Variants in SLC6A6 observed in about 807,000 individuals in gnomAD.
SLC6A6 encodes the protein sodium- and chloride-dependent taurine transporter.
A neutral mutation model predicts 68.8 loss-of-function variants in SLC6A6; 16 were observed. That is an observed-to-expected ratio of 0.23 (90% CI 0.16 to 0.35). The LOEUF (loss-of-function observed/expected upper bound fraction) is 0.35. SLC6A6 is among the 10% of genes least tolerant of loss of function. The pLI is 1.00. For synonymous variants in SLC6A6, 312 were observed against 315.4 expected (o/e 0.99, Z 0.12); for missense variants, 474 against 802.8 (o/e 0.59, Z 4.95).
chr3:14,435,066 C>T (rs1434044482), intron 2 of SLC6A6, among the ~76,000 whole-genome samples: 1 of 152,266 alleles, frequency 6.6e-6, no homozygotes, highest in Non-Finnish European at 1.5e-5. Flanking sequence ...CTGTCATCCA[C>T]TCTTCCCCAG....
At chr3:14,466,870 A>C (rs537725347) in intron 7 of SLC6A6, among the ~76,000 whole-genome samples, 1 of 152,084 alleles carries the variant, frequency 6.6e-6, no homozygotes, top group South Asian at 2.1e-4. Flanking sequence ...ATCTCTTTTC[A>C]TGTCAAGGAC....
Position 14,481,918 on chromosome 3 carries a change from T to A in SLC6A6, c.1722+77T>A. On this transcript the variant is annotated intron_variant, in intron 14 of 14. Transcript: ENST00000622186. The surrounding 1 kb of genome is among the most constrained non-coding windows in gnomAD (Gnocchi z 4.7). ...TGATTGTTGTCAGTTTGCTGCGTGATCTCAGGCAAGTCACCTGCCCTCTCT... is the reference window on the plus strand; with the variant it reads ...TGATTGTTGTCAGTTTGCTGCGTGAACTCAGGCAAGTCACCTGCCCTCTCT... 2.3e-6 allele frequency: 3 copies of A among 1,302,388 alleles called. No individual in the cohort carries two copies. Among genetic ancestry groups the A allele is most frequent in the East Asian group, 2.4e-5 (1 of 41,954 alleles). The allele number at this position is 1,302,388 out of a possible 1,614,324, so 80.7% of individuals were successfully genotyped here. A position where few individuals can be genotyped will look rare whatever the true frequency, so the allele number is the denominator to read the frequency against.
At chr3:14,431,119 C>T (rs555631024) in intron 2 of SLC6A6, among the ~76,000 whole-genome samples, 5 of 152,318 alleles carry the variant, frequency 3.3e-5, no homozygotes, top group South Asian at 4.1e-4. Flanking sequence ...TCCTAAAGAT[C>T]TGGTGTTCAT....
At chr3:14,458,126 G>A (rs1482269460) in intron 6 of SLC6A6, 44 bp downstream of exon 6, 12 of 1,590,044 alleles carry the variant, frequency 7.5e-6, no homozygotes, top group Non-Finnish European at 1.0e-5. Flanking sequence ...GGAGAGCTGT[G>A]CCAGGCTGGC....
chr3:14,457,140 G>C lies in SLC6A6; in HGVS notation c.600-810G>C, dbSNP rs3773178. Among the ~76,000 whole-genome samples, 643 of 152,312 alleles carry C rather than the reference G, an allele frequency of 4.2e-3. 12 individuals are homozygous for C. In the East Asian group the frequency reaches 0.067, roughly 16 times the overall value. On this transcript the variant is annotated intron_variant, in intron 5 of 14. Coordinates refer to ENST00000622186, the MANE Select transcript of SLC6A6 (RefSeq NM_003043.6). Reference sequence around the variant, plus strand: ...TTGTTTAGCAGGGCAGCAGGAATCAGCTCGGATTGGTGGGAGGCTTAAGTC... The same window carrying C: ...TTGTTTAGCAGGGCAGCAGGAATCACCTCGGATTGGTGGGAGGCTTAAGTC...
chr3:14,466,783 G>A (rs11718517), intron 7 of SLC6A6, 133 bp downstream of exon 7: 32 of 769,902 alleles, frequency 4.2e-5, no homozygotes, highest in East Asian at 8.5e-5. Flanking sequence ...CTGGGCCACC[G>A]CCCCCTGGTA....
In SLC6A6 at chr3:14,447,741, C is replaced by T. The variant is rs1700160362; in HGVS notation, c.524C>T (p.Thr175Ile). 8 of 1,614,236 alleles carry T rather than the reference C, an allele frequency of 5.0e-6. No homozygotes were observed. In the African/African-American group the frequency reaches 5.3e-5, roughly 11 times the overall value. ...SWNTPHCMED[T>I]MRKNKSVWIT... is the part of the protein sequence containing the mutation. ...AACACACCTCACTGCATGGAGGACA[C>T]CATGCGCAAGAACAAGAGTGTCTGG... is the stretch of plus-strand genomic sequence containing the variant. Residue 175 changes from threonine to isoleucine, a missense_variant, in exon 5 of 15, where the codon ACC (threonine) becomes ATC (isoleucine). This residue lies in a region of SLC6A6 where 280 missense variants were observed against 533.1 expected (regional missense o/e 0.53). Transcript: ENST00000622186.
At chr3:14,426,240 C>T (rs1699594390) in intron 2 of SLC6A6, among the ~76,000 whole-genome samples, 1 of 152,218 alleles carries the variant, frequency 6.6e-6, no homozygotes, top group South Asian at 2.1e-4. Flanking sequence ...GATCCAGACT[C>T]CAGTCCACCA....
At chr3:14,404,831 C>T (rs915257804) in intron 1 of SLC6A6, among the ~76,000 whole-genome samples, 1 of 152,230 alleles carries the variant, frequency 6.6e-6, no homozygotes, top group Non-Finnish European at 1.5e-5. Context: ...TGGCAAGGGC[C>T]AAGGTGCATT....
chr3:14,405,180 G>A (rs889973146), intron 1 of SLC6A6, among the ~76,000 whole-genome samples: 1 of 152,154 alleles, frequency 6.6e-6, no homozygotes, highest in Non-Finnish European at 1.5e-5. Context: ...CCAGTCCTTA[G>A]GGCAGGAAAG....
chr3:14,465,224 G>C (rs1283199484), intron 6 of SLC6A6, among the ~76,000 whole-genome samples: 2 of 152,230 alleles, frequency 1.3e-5, no homozygotes, highest in Admixed American at 1.3e-4. Flanking sequence ...CCATCCATGA[G>C]AACTGAAGCC....
intron 2 of SLC6A6, among the ~76,000 whole-genome samples, chr3:14,423,371 A>G (rs571064420): frequency 3.3e-5 from 5 of 152,158 alleles, no homozygotes; most frequent in Non-Finnish European, 7.4e-5. Context: ...TCATTCACTT[A>G]GTAAATATTG....
intron 1 of SLC6A6, among the ~76,000 whole-genome samples, chr3:14,414,863 G>A (rs1436194144): frequency 1.3e-5 from 2 of 152,176 alleles, no homozygotes; most frequent in East Asian, 3.9e-4. Flanking sequence ...AGATGGGCTG[G>A]CCTCTTGTAA....
chr3:14,462,638 G>T (rs1448667002), intron 6 of SLC6A6, among the ~76,000 whole-genome samples: 1 of 152,150 alleles, frequency 6.6e-6, no homozygotes, highest in Admixed American at 6.5e-5. Flanking sequence ...AGTTGAGACT[G>T]CAGTGAGCTT....
At chr3:14,454,730 A>G (rs759881445) in intron 5 of SLC6A6, among the ~76,000 whole-genome samples, 1 of 152,216 alleles carries the variant, frequency 6.6e-6, no homozygotes, top group East Asian at 1.9e-4. Context: ...AAACATTGAA[A>G]TAGTGCAAAA....
chr3:14,445,160 C>T (rs954420246), intron 3 of SLC6A6, among the ~76,000 whole-genome samples: 37 of 152,232 alleles, frequency 2.4e-4, no homozygotes, highest in Non-Finnish European at 3.2e-4. Flanking sequence ...CGGTGGCTCA[C>T]GCCTGTAATC....
At chr3:14,441,703 C>A (rs1480722444) in intron 2 of SLC6A6, among the ~76,000 whole-genome samples, 2 of 152,236 alleles carry the variant, frequency 1.3e-5, no homozygotes, top group African/African-American at 2.4e-5. Context: ...CCTCTCCACA[C>A]CCCAAGTCCT....
At position 14,489,015 on chromosome 3, in the gene SLC6A6, A is replaced by G. The variant is rs1162147626; in HGVS notation, c.*4008A>G. On this transcript the variant is annotated 3_prime_UTR_variant, in exon 15 of 15. Transcript: ENST00000622186. Reference sequence around the variant, plus strand: ...GTGGGTCTTGCCTCCTTCCAGAAATATGTCTGGCTCATCAGGACATTTTTT... The same window carrying G: ...GTGGGTCTTGCCTCCTTCCAGAAATGTGTCTGGCTCATCAGGACATTTTTT... 2 of 152,416 alleles carry G rather than the reference A, an allele frequency of 1.3e-5. No homozygotes were observed. Among genetic ancestry groups the G allele is most frequent in the Non-Finnish European group, 2.9e-5 (2 of 68,020 alleles). 9.4% of individuals were successfully genotyped at this position (152,416 alleles called of 1,614,324 possible).
intron 2 of SLC6A6, 53 bp downstream of exon 2, chr3:14,416,506 G>C (rs1699366031): frequency 2.5e-6 from 1 of 398,466 alleles, no homozygotes; most frequent in Non-Finnish European, 4.4e-6. Flanking sequence ...GTTGTGCAGT[G>C]ACCCAAGGTG....
Sources: gnomAD v4.1 joint callset for allele counts (sites outside exome capture counted in the v4.1 genomes callset) on GRCh38, gnomAD v4.1.1 for gene constraint, gnomAD v4.1.1 regional missense constraint, Gnocchi (gnomAD v3.1) non-coding constraint, MANE v1.5 for transcripts, NCBI Gene and HGNC (gene_info 2026-07-23, HGNC 2026-07-21) for gene names.